The following VWA3B variants were observed in gnomAD, a reference collection of about 807,000 sequenced individuals.
VWA3B encodes the protein von Willebrand factor A domain containing 3B, also known as von Willebrand factor A domain-containing protein 3B.
In VWA3B, 138 loss-of-function variants were observed where a neutral mutation model predicts 158.3. The ratio of observed to expected loss-of-function variants is 0.87; its 90% CI spans 0.76 to 1.00. The LOEUF (loss-of-function observed/expected upper bound fraction) is 1.00. Among genes scored for constraint, VWA3B ranks in the 50% least tolerant of loss-of-function variants. The pLI, the probability that VWA3B is intolerant of heterozygous loss-of-function variation, is 0.00. For synonymous variants in VWA3B, 596 were observed against 587.3 expected, an observed-to-expected ratio of 1.01 and a Z score of -0.21; for missense variants, 1,555 against 1,565.1, an observed-to-expected ratio of 0.99 and a Z score of 0.11.
chr2:98,177,614 T>C (rs1203874863), intron 8 of VWA3B, among the ~76,000 whole-genome samples: 2 of 152,048 alleles, frequency 1.3e-5, no homozygotes, highest in East Asian at 3.8e-4. Flanking sequence ...GTTCTTTGGT[T>C]TTGATTGCTT....
intron 1 of VWA3B, among the ~76,000 whole-genome samples, chr2:98,089,064 G>A (rs1232759662): frequency 2.0e-5 from 3 of 152,162 alleles, no homozygotes; most frequent in Admixed American, 6.5e-5. Context: ...ACAGGAGTGA[G>A]CCACCGTGCC....
chr2:98,217,927 A>T lies in VWA3B; in HGVS notation c.1918A>T (p.Ile640Phe). 6.2e-7 allele frequency: 1 copy of T among 1,613,618 alleles called. No individual in the cohort carries two copies. ...CATCTCCTTCAATTACAATGATGAG[A>T]TTGCAAACAGGTTTTTGAAAGAGGT... ...YTISFNYNDE[I>F]ANRFLKEVAA... The change falls in exon 14 of 28, where the codon ATT becomes TTT. Residue 640 changes from isoleucine to phenylalanine, a missense_variant. Ile to Phe is a conservative substitution (Grantham distance 21). Transcript: ENST00000477737.
intron 7 of VWA3B, among the ~76,000 whole-genome samples, chr2:98,143,876 G>A (rs757688729): frequency 1.3e-4 from 20 of 149,728 alleles, no homozygotes; most frequent in Non-Finnish European, 2.7e-4. Context: ...TCAGCCTCCC[G>A]AGTAGCTGGG....
intron 22 of VWA3B, among the ~76,000 whole-genome samples, chr2:98,278,360 G>T (rs1224130929): frequency 6.6e-6 from 1 of 152,232 alleles, no homozygotes; most frequent in African/African-American, 2.4e-5. Context: ...GCCCCAGAGG[G>T]CGTGTGTTAC....
chr2:98,314,555 G>A (rs1369319385), downstream of VWA3B, among the ~76,000 whole-genome samples: 1 of 152,146 alleles, frequency 6.6e-6, no homozygotes, highest in East Asian at 1.9e-4. Flanking sequence ...AAGCAAGCCT[G>A]GGAAGGATCA....
chr2:98,216,951 G>A lies in VWA3B; in HGVS notation c.1837-895G>A, dbSNP rs534888901. 1.4e-5 allele frequency: 18 copies of A among 1,297,694 alleles called. No individual in the cohort carries two copies. The East Asian group carries it at 8.4e-4, about 61-fold the overall frequency. 80.4% of individuals were successfully genotyped at this position (1,297,694 alleles called of 1,614,324 possible). On this transcript the variant is annotated intron_variant, in intron 13 of 27. Transcript: ENST00000477737. ...CCATACAGCTGAAGACAGCATGAGT[G>A]GGAGAGACTGTCATGTGTATCATTG...
chr2:98,292,981 G>A (rs1395532453), intron 23 of VWA3B, among the ~76,000 whole-genome samples: 2 of 151,930 alleles, frequency 1.3e-5, no homozygotes, highest in South Asian at 2.1e-4. Context: ...AAAAGAGAGA[G>A]AAAAGAAAAT....
At chr2:98,230,707 G>A (rs774094834) in intron 16 of VWA3B, among the ~76,000 whole-genome samples, 11 of 152,132 alleles carry the variant, frequency 7.2e-5, no homozygotes, top group South Asian at 2.1e-4. Context: ...CAAACTAAAA[G>A]GTGAAAGACT....
At chr2:98,315,784 A>G (rs946183675), downstream of VWA3B, among the ~76,000 whole-genome samples, 2 of 152,266 alleles carry the variant, frequency 1.3e-5, no homozygotes, top group Non-Finnish European at 2.9e-5. Context: ...ATGTTTGCAC[A>G]TGATAAAAGA....
intron 14 of VWA3B, among the ~76,000 whole-genome samples, chr2:98,226,145 A>T (rs919611276): frequency 6.6e-5 from 10 of 152,236 alleles, no homozygotes; most frequent in Admixed American, 1.3e-4. Flanking sequence ...AAAAAGAAAA[A>T]TAAAATGGGA....
At chr2:98,206,106 A>G (rs1486286202) in intron 12 of VWA3B, 1 of 152,172 alleles carries the variant, frequency 6.6e-6, no homozygotes, top group Non-Finnish European at 1.5e-5. Flanking sequence ...TCAATCATTA[A>G]GAGCGGGATA....
chr2:98,211,073 C>T (rs1171192158), intron 12 of VWA3B, among the ~76,000 whole-genome samples: 1 of 152,188 alleles, frequency 6.6e-6, no homozygotes, highest in African/African-American at 2.4e-5. Flanking sequence ...GGCAGCCCTG[C>T]AGCAGGATTG....
chr2:98,106,894 T>C (rs1673706503), intron 2 of VWA3B, among the ~76,000 whole-genome samples: 1 of 152,214 alleles, frequency 6.6e-6, no homozygotes. Flanking sequence ...CTTCCAGCAC[T>C]ATGTTGAATA....
chr2:98,163,554 C>T (rs976321268), intron 8 of VWA3B, among the ~76,000 whole-genome samples: 2 of 152,056 alleles, frequency 1.3e-5, no homozygotes, highest in African/African-American at 4.8e-5. Flanking sequence ...ACAACAACAA[C>T]AACAATAACA....
At chr2:98,219,192 C>T (rs962335209) in intron 14 of VWA3B, among the ~76,000 whole-genome samples, 1 of 152,116 alleles carries the variant, frequency 6.6e-6, no homozygotes, top group African/African-American at 2.4e-5. Flanking sequence ...GAAAAACAAA[C>T]TGAAGACTTA....
At chr2:98,168,015 A>G (rs1213202929) in intron 8 of VWA3B, among the ~76,000 whole-genome samples, 3 of 152,250 alleles carry the variant, frequency 2.0e-5, no homozygotes, top group Non-Finnish European at 4.4e-5. Context: ...GAAAATTTGT[A>G]AGAACAAAAG....
intron 21 of VWA3B, among the ~76,000 whole-genome samples, chr2:98,265,256 A>G (rs1687736247): frequency 7.2e-6 from 1 of 138,504 alleles, no homozygotes; most frequent in African/African-American, 2.7e-5. Context: ...ATGTGTTCTC[A>G]TTGTTCAATT....
At chr2:98,303,850 C>G in intron 26 of VWA3B, 48 bp downstream of exon 26, 2 of 1,561,812 alleles carry the variant, frequency 1.3e-6, no homozygotes, top group East Asian at 2.3e-5. Flanking sequence ...TATATCCTTG[C>G]ACCTTTAATC....
At chr2:98,297,812 G>A (rs967143492) in intron 23 of VWA3B, 95 bp from the exon 24 acceptor site, 14 of 1,369,980 alleles carry the variant, frequency 1.0e-5, no homozygotes, top group Non-Finnish European at 7.6e-6. Flanking sequence ...AACAGGCAAA[G>A]TGTTATAACT....
Sources: gnomAD v4.1 joint callset for allele counts (sites outside exome capture counted in the v4.1 genomes callset) on GRCh38, gnomAD v4.1.1 for gene constraint, MANE v1.5 for transcripts, NCBI Gene and HGNC (gene_info 2026-07-23, HGNC 2026-07-21) for gene names.